BOD1L1: variants seen among roughly 807,000 people sequenced by gnomAD.
BOD1L1 encodes biorientation of chromosomes in cell division protein 1-like 1.
In BOD1L1, 86 loss-of-function variants were observed where a neutral mutation model predicts 240.7. That is an observed-to-expected ratio of 0.36 (90% CI 0.30 to 0.43). BOD1L1 has a LOEUF of 0.43. Among genes scored for constraint, BOD1L1 ranks in the 20% least tolerant of loss-of-function variants. The probability of loss-of-function intolerance (pLI) is 1.00; values close to 1 mark genes in which losing one functional copy is unlikely to be tolerated. For synonymous variants in BOD1L1, 1,268 were observed against 1,272.3 expected (o/e 1.00, Z 0.07); for missense variants, 3,554 against 3,643.5 (o/e 0.98, Z 0.63).
Position 13,590,436 on chromosome 4 carries a change from G to A in BOD1L1, c.8159C>T (p.Ser2720Leu). The change falls in exon 14 of 26, where the codon TCA (serine) becomes TTA (leucine). Residue 2720 changes from serine (S) to leucine (L), a missense_variant. Ser to Leu is a moderately radical substitution (Grantham distance 145). This residue lies in a region of BOD1L1 where 3,393 missense variants were observed against 3,427.1 expected (regional missense o/e 0.99). Coordinates refer to ENST00000040738, the MANE Select transcript of BOD1L1 (RefSeq NM_148894.3). ...AATTTCTTCATTTGTTCTGAAGCCT[G>A]AATTTTCAACCTAAATATACAATAT... ...LVNESLNVEN[S>L]GFRTNEEIHS... 1 of 1,513,768 alleles carries A rather than the reference G, an allele frequency of 6.6e-7. No homozygotes were observed. The highest frequency in any genetic ancestry group is 1.2e-5 in the South Asian group (1 of 83,206). The allele number at this position is 1,513,768 out of a possible 1,614,324, so 93.8% of individuals were successfully genotyped here.
intron 5 of BOD1L1, 52 bp from the exon 6 acceptor site, chr4:13,611,152 C>A (rs1716138864): frequency 2.3e-6 from 3 of 1,331,350 alleles, no homozygotes; most frequent in Admixed American, 2.1e-5. Flanking sequence ...AGCATAAAAT[C>A]AACATTATGC....
At position 13,600,382 on chromosome 4, in the gene BOD1L1, G is replaced by A; in HGVS notation, c.6518C>T (p.Ala2173Val). ...KCAESLQPVAAAVEERATGPV... is the reference protein window; with the variant it reads ...KCAESLQPVAVAVEERATGPV... ...ACCTGTAGCCCTTTCTTCCACTGCT[G>A]CAGCAACCGGCTGAAGACTTTCAGC... The change falls in exon 10 of 26, where the codon GCA (alanine) becomes GTA (valine). Residue 2173 changes from alanine to valine, a missense_variant. Physicochemically the swap from Ala to Val is moderately conservative, Grantham distance 64 (BLOSUM62 0). Coordinates refer to ENST00000040738, the MANE Select transcript of BOD1L1 (RefSeq NM_148894.3). The A allele has an allele frequency of 6.2e-7, 1 of 1,613,958 alleles. No individual in the cohort carries two copies.
rs112328769 is a variant in BOD1L1, at chr4:13,601,642, C to A, written c.5258G>T (p.Arg1753Leu). The change falls in exon 10 of 26, where the codon CGC becomes CTC. Residue 1753 changes from arginine (R) to leucine (L), a missense_variant. By Grantham distance (102) the Arg-to-Leu change is moderately radical (BLOSUM62 -2). Transcript: ENST00000040738. ...SVTGAGPREE[R>L]MVTGAGVVLG... ...GACAACACCTGCACCTGTAACCATGCGTTCCTCCCGGGGCCCTGCTCCAGT... is the reference window on the plus strand; with the variant it reads ...GACAACACCTGCACCTGTAACCATGAGTTCCTCCCGGGGCCCTGCTCCAGT... 2 of 1,613,958 alleles carry A rather than the reference C, an allele frequency of 1.2e-6. No homozygotes were observed. Among genetic ancestry groups the A allele is most frequent in the Non-Finnish European group, 1.7e-6 (2 of 1,179,886 alleles).
rs1374532760 is a variant in BOD1L1, at chr4:13,603,350, C to G, written c.3550G>C (p.Gly1184Arg). Residue 1184 changes from glycine to arginine, a missense_variant, in exon 10 of 26, where the codon GGC (glycine) becomes CGC (arginine). This residue lies in a region of BOD1L1 where 3,393 missense variants were observed against 3,427.1 expected (regional missense o/e 0.99). Transcript: ENST00000040738. ...TTACTATTAACTCCTGTTCCACGGC[C>G]TGGCTTATAAGCTGGAGCTGTTGCT... is the stretch of plus-strand genomic sequence containing the variant. ...SKATAPAYKP[G>R]RGTGVNSNSE... 5.0e-6 allele frequency: 8 copies of G among 1,613,928 alleles called. No individual in the cohort carries two copies. The East Asian group carries it at 1.3e-4, about 27-fold the overall frequency.
At chr4:13,577,838 T>C (rs1451835742) in intron 22 of BOD1L1, 1 of 407,826 alleles carries the variant, frequency 2.5e-6, no homozygotes, top group East Asian at 4.1e-5. Context: ...AGTTTTCATT[T>C]CAGATTTTAT....
Position 13,602,449 on chromosome 4 carries a change from G to C in BOD1L1, c.4451C>G (p.Thr1484Ser). The change falls in exon 10 of 26, where the codon ACC (threonine) becomes AGC (serine). Residue 1484 changes from threonine (T) to serine (S), a missense_variant. This residue lies in a region of BOD1L1 where 3,393 missense variants were observed against 3,427.1 expected (regional missense o/e 0.99). Transcript: ENST00000040738. The part of the protein sequence containing the change: ...ERRNENSEVD[T>S]SAGSGSAPSV... ...GGGTGCAGAGCCACTTCCAGCACTG[G>C]TGTCTACCTCACTGTTTTCATTCCT... 1 of 1,613,976 alleles carries C rather than the reference G, an allele frequency of 6.2e-7. No homozygotes were observed. Among genetic ancestry groups the C allele is most frequent in the South Asian group, 1.1e-5 (1 of 91,082 alleles).
intron 11 of BOD1L1, 33 bp downstream of exon 11, chr4:13,597,071 T>C: frequency 6.5e-7 from 1 of 1,529,938 alleles, no homozygotes; most frequent in Non-Finnish European, 8.9e-7. Context: ...TTTAATCACT[T>C]ACAGTTCAGC....
At chr4:13,580,226 C>A (rs1036849291) in intron 21 of BOD1L1, among the ~76,000 whole-genome samples, 1 of 152,210 alleles carries the variant, frequency 6.6e-6, no homozygotes, top group African/African-American at 2.4e-5. Flanking sequence ...AGCATGGCCA[C>A]TGTGGTTAAT....
In BOD1L1 at chr4:13,601,942, G is replaced by A. The variant is rs1482834409; in HGVS notation, c.4958C>T (p.Ala1653Val). 1 of 1,613,946 alleles carries A rather than the reference G, an allele frequency of 6.2e-7. No homozygotes were observed. The highest frequency in any genetic ancestry group is 1.6e-4 in the Middle Eastern group (1 of 6,062). ...NSVVTEEKDD[A>V]VTSAGSEEKC... ...TTCTTCAGAGCCTGCACTGGTTACA[G>A]CATCATCCTTTTCCTCTGTCACAAC... is the stretch of plus-strand genomic sequence containing the variant. Residue 1653 changes from alanine (A) to valine (V), a missense_variant, in exon 10 of 26, where the codon GCT becomes GTT. Ala to Val is a moderately conservative substitution (Grantham distance 64). Transcript: ENST00000040738.
At position 13,601,237 on chromosome 4, in the gene BOD1L1, C is replaced by A. The variant is rs755495668; in HGVS notation, c.5663G>T (p.Gly1888Val). Residue 1888 changes from glycine (G) to valine (V), a missense_variant, in exon 10 of 26, where the codon GGG becomes GTG. Around this residue, in one of 2 missense-constraint regions of BOD1L1, gnomAD observed 3,393 missense variants for 3,427.1 expected, o/e 0.99. Coordinates refer to ENST00000040738, the MANE Select transcript of BOD1L1 (RefSeq NM_148894.3). ...GACCCCTTCACTTTCTTCTCCTAAC[C>A]CTGTACAAGTTGAAGCATGCCCAAT... Reference protein sequence around the residue: ...NEIGHASTCTGLGEESEGVLI... With the variant: ...NEIGHASTCTVLGEESEGVLI... The A allele has an allele frequency of 6.2e-7, 1 of 1,613,978 alleles. No individual in the cohort carries two copies. Among genetic ancestry groups the A allele is most frequent in the Non-Finnish European group, 8.5e-7 (1 of 1,179,902 alleles).
intron 2 of BOD1L1, among the ~76,000 whole-genome samples, chr4:13,619,059 A>G (rs916787739): frequency 6.6e-6 from 1 of 152,150 alleles, no homozygotes; most frequent in African/African-American, 2.4e-5. Flanking sequence ...GAGGTGGCCC[A>G]TGCCTATAAT....
chr4:13,624,791 T>C (rs1296245762), intron 1 of BOD1L1: 1 of 152,224 alleles, frequency 6.6e-6, no homozygotes, highest in Non-Finnish European at 1.5e-5. Flanking sequence ...ACCTGGCAGG[T>C]ATCAAATGTC....
intron 12 of BOD1L1, 54 bp downstream of exon 12, chr4:13,595,805 AC>A (rs1714570861): frequency 6.8e-7 from 1 of 1,466,074 alleles, no homozygotes; most frequent in Non-Finnish European, 9.5e-7. Flanking sequence ...GAAAGGTAAA[AC>A]CACATGCAAG....
intron 1 of BOD1L1, among the ~76,000 whole-genome samples, chr4:13,626,690 T>G (rs962152192): frequency 2.0e-4 from 30 of 152,192 alleles, no homozygotes; most frequent in Non-Finnish European, 2.1e-4. Context: ...CTCTTTCCTG[T>G]CCTTTCTCCA....
rs149857509 is a variant in BOD1L1, at chr4:13,601,379, C to T, written c.5521G>A (p.Val1841Ile). 1.5e-4 allele frequency: 249 copies of T among 1,614,060 alleles called. No individual in the cohort carries two copies. In the East Asian group the frequency reaches 5.3e-3, roughly 34 times the overall value. The stretch of plus-strand genomic sequence containing the variant: ...CAAGGACCAGCAGCAACTAATGGTA[C>T]ATTAGTGCCTTCTTTGGCCACTGTG... ...DSTVAKEGTNVPLVAAGPCDD... is the reference protein window; with the variant it reads ...DSTVAKEGTNIPLVAAGPCDD... Residue 1841 changes from valine to isoleucine, a missense_variant, in exon 10 of 26, where the codon GTA becomes ATA. Val to Ile is a conservative substitution (Grantham distance 29, BLOSUM62 3). Transcript: ENST00000040738.
At chr4:13,621,788 TA>T (rs769508581) in intron 1 of BOD1L1, among the ~76,000 whole-genome samples, 1 of 152,186 alleles carries the variant, frequency 6.6e-6, no homozygotes, top group Non-Finnish European at 1.5e-5. Context: ...CCTTTGCTGA[TA>T]CTTATTTCCT....
rs1370659995 is a variant in BOD1L1, at chr4:13,582,683, A to G, written c.8487T>C (p.Asn2829=). The G allele has an allele frequency of 1.2e-6, 2 of 1,613,152 alleles. No individual in the cohort carries two copies. Among genetic ancestry groups the G allele is most frequent in the African/African-American group, 1.3e-5 (1 of 75,008 alleles). Residue 2829 remains asparagine (N), a synonymous_variant, in exon 18 of 26, where the codon AAT becomes AAC. Coordinates refer to ENST00000040738, the MANE Select transcript of BOD1L1 (RefSeq NM_148894.3). ...CTTCCATGACCCTTGAGGTAGTGCTATTTGTCTCAGAACTGGTTTTAGGTA... is the reference window on the plus strand; with the variant it reads ...CTTCCATGACCCTTGAGGTAGTGCTGTTTGTCTCAGAACTGGTTTTAGGTA... The part of the protein sequence containing the change: ...EELPKTSSET[N]STTSRVMEEK...
rs760691597 is a variant in BOD1L1 at position 13,603,686 on chromosome 4, C to T, written c.3214G>A (p.Glu1072Lys). ...TGTGACAAGCTTCCTCTCCGATTTT[C>T]GCACAACCTTCTACTTAATTTCTTT... The part of the protein sequence containing the change: ...MEKKLSRRLC[E>K]NRRGSLSQEM... The change falls in exon 10 of 26, where the codon GAA becomes AAA. Residue 1072 changes from glutamate (E) to lysine (K), a missense_variant. Around this residue, in one of 2 missense-constraint regions of BOD1L1, gnomAD observed 3,393 missense variants for 3,427.1 expected, o/e 0.99. Coordinates refer to ENST00000040738, the MANE Select transcript of BOD1L1 (RefSeq NM_148894.3). 18 of 1,613,980 alleles carry T rather than the reference C, an allele frequency of 1.1e-5. No individual in the cohort carries two copies. Among genetic ancestry groups the T allele is most frequent in the South Asian group, 4.4e-5 (4 of 91,082 alleles).
chr4:13,591,287 T>A (rs1714190727), intron 13 of BOD1L1, among the ~76,000 whole-genome samples: 1 of 152,158 alleles, frequency 6.6e-6, no homozygotes, highest in Non-Finnish European at 1.5e-5. Flanking sequence ...ATATGGTGTA[T>A]GAGTTTCTAG....
Sources: allele counts gnomAD v4.1 joint callset (sites outside exome capture counted in the v4.1 genomes callset), GRCh38; gene constraint gnomAD v4.1.1; regional missense constraint gnomAD v4.1.1; transcripts MANE v1.5; gene names NCBI Gene and HGNC (gene_info 2026-07-23, HGNC 2026-07-21).